The following CRB1 variants were observed in gnomAD, a reference collection of about 807,000 sequenced individuals.
CRB1 encodes protein crumbs homolog 1.
A neutral mutation model predicts 120.0 loss-of-function variants in CRB1; 83 were observed. The ratio of observed to expected loss-of-function variants is 0.69; its 90% CI spans 0.58 to 0.83. The LOEUF (loss-of-function observed/expected upper bound fraction) is 0.83, where lower values mean the gene tolerates loss of function less well. Among genes scored for constraint, CRB1 ranks in the 40% least tolerant of loss-of-function variants. CRB1 has a pLI of 0.00. For synonymous variants in CRB1, 625 were observed against 612.5 expected (o/e 1.02, Z -0.30); for missense variants, 1,699 against 1,687.6 (o/e 1.01, Z -0.12).
the CRB1 span, among the ~76,000 whole-genome samples, chr1:197,238,449 C>T: frequency 6.6e-6 from 1 of 151,976 alleles, no homozygotes; most frequent in African/African-American, 2.4e-5. Flanking sequence ...CTTTACATTT[C>T]TCTCACCTTA....
chr1:197,374,344 C>G (rs933926437), intron 5 of CRB1, among the ~76,000 whole-genome samples: 3 of 152,050 alleles, frequency 2.0e-5, no homozygotes, highest in Non-Finnish European at 2.9e-5. Flanking sequence ...AAGGCTTGGT[C>G]CTTTCTAAGG....
At chr1:197,231,135 A>G in the CRB1 span, among the ~76,000 whole-genome samples, 1 of 152,160 alleles carries the variant, frequency 6.6e-6, no homozygotes, top group African/African-American at 2.4e-5. Flanking sequence ...GAACAGAAGA[A>G]ATTATAGCTT....
chr1:197,407,713 C>G (rs562524506), intron 5 of CRB1, among the ~76,000 whole-genome samples: 1 of 152,128 alleles, frequency 6.6e-6, no homozygotes, highest in African/African-American at 2.4e-5. Context: ...TTAATCACAC[C>G]CACTCCCACT....
intron 5 of CRB1, among the ~76,000 whole-genome samples, chr1:197,398,193 T>C (rs1040227810): frequency 1.3e-5 from 2 of 152,204 alleles, no homozygotes; most frequent in Non-Finnish European, 2.9e-5. Context: ...ATATTTTCCC[T>C]TTCTCTTCCA....
chr1:197,311,697 TAGTGTGTGTGTG>T (rs1312064541), intron 1 of CRB1, among the ~76,000 whole-genome samples: 1 of 96,484 alleles, frequency 1.0e-5, no homozygotes, highest in Non-Finnish European at 2.1e-5. Context: ...CTCATATAGT[TAGTGTGTGTGTG>T]TGTGTGTGTG....
intron 6 of CRB1, among the ~76,000 whole-genome samples, chr1:197,425,981 A>G (rs751720756): frequency 6.6e-6 from 1 of 151,620 alleles, no homozygotes; most frequent in African/African-American, 2.4e-5. Context: ...TTATCAGAAC[A>G]TCCTGCCTGA....
chr1:197,381,448 G>A (rs1661951941), intron 5 of CRB1, among the ~76,000 whole-genome samples: 1 of 152,124 alleles, frequency 6.6e-6, no homozygotes, highest in Admixed American at 6.5e-5. Flanking sequence ...CACAGAATTG[G>A]TAATTATTTT....
chr1:197,411,562 C>G (rs1432275852), intron 5 of CRB1, among the ~76,000 whole-genome samples: 1 of 152,084 alleles, frequency 6.6e-6, no homozygotes, highest in Non-Finnish European at 1.5e-5. Context: ...ACATGAGATC[C>G]CTGGCTTGCC....
At chr1:197,390,187 G>C (rs1662426728) in intron 5 of CRB1, among the ~76,000 whole-genome samples, 1 of 148,224 alleles carries the variant, frequency 6.7e-6, no homozygotes, top group Non-Finnish European at 1.5e-5. Flanking sequence ...GTGTGGGGGG[G>C]AGGGGGTGGG....
In CRB1 at chr1:197,442,196, TG is replaced by T; in HGVS notation, c.3910del (p.Asp1304IlefsTer37). The T allele has an allele frequency of 6.2e-7, 1 of 1,614,166 alleles. No homozygotes were observed. Among genetic ancestry groups the T allele is most frequent in the South Asian group, 1.1e-5 (1 of 91,084 alleles). ...CEKDIDECASDPCVNGGLCQD... is the reference protein window; with the variant it reads ...CEKDIDECASXPCVNGGLCQD... Reference sequence around the variant, plus strand: ...AAAAGGACATTGATGAGTGTGCCTCTGATCCGTGTGTCAATGGAGGTCTGTG... The same window carrying T: ...AAAAGGACATTGATGAGTGTGCCTCTATCCGTGTGTCAATGGAGGTCTGTG... On this transcript the variant is annotated frameshift_variant, in exon 11 of 12. Transcript: ENST00000367400. LOFTEE classifies it high-confidence loss of function.
At chr1:197,453,574 AGG>A (rs1491359717) in intron 11 of CRB1, among the ~76,000 whole-genome samples, 24 of 110,580 alleles carry the variant, frequency 2.2e-4, no homozygotes, top group Middle Eastern at 5.2e-3. Flanking sequence ...AGAGAGGGAG[AGG>A]GAGAGAGAGA....
chr1:197,341,153 G>C (rs532424265), intron 2 of CRB1, among the ~76,000 whole-genome samples: 1 of 152,266 alleles, frequency 6.6e-6, no homozygotes, highest in Non-Finnish European at 1.5e-5. Context: ...GATGGGATTT[G>C]GATGGGGACA....
the CRB1 span, among the ~76,000 whole-genome samples, chr1:197,251,785 CA>C: frequency 6.6e-6 from 1 of 151,818 alleles, no homozygotes; most frequent in Non-Finnish European, 1.5e-5. Context: ...CATGCATGTG[CA>C]TGTGGAGGGT....
chr1:197,202,246 G>A, the CRB1 span, among the ~76,000 whole-genome samples: 88 of 152,232 alleles, frequency 5.8e-4, no homozygotes, highest in Middle Eastern at 6.8e-3. Flanking sequence ...CAAACAGGAG[G>A]AGGCTATGAA....
intron 1 of CRB1, among the ~76,000 whole-genome samples, chr1:197,278,209 A>G (rs922168300): frequency 2.0e-5 from 3 of 151,992 alleles, no homozygotes; most frequent in South Asian, 4.1e-4. Context: ...GGCCTCACAC[A>G]TGGGATTAGT....
At chr1:197,307,191 T>C (rs771212545) in intron 1 of CRB1, among the ~76,000 whole-genome samples, 3 of 152,314 alleles carry the variant, frequency 2.0e-5, no homozygotes, top group African/African-American at 7.2e-5. Flanking sequence ...ATAGAACTGA[T>C]AGTAAAACTT....
At chr1:197,399,214 A>T (rs1369745313) in intron 5 of CRB1, among the ~76,000 whole-genome samples, 1 of 152,090 alleles carries the variant, frequency 6.6e-6, no homozygotes, top group Non-Finnish European at 1.5e-5. Flanking sequence ...GGACATTTTA[A>T]TGTCACATTT....
At chr1:197,306,509 T>C (rs1371000367) in intron 1 of CRB1, among the ~76,000 whole-genome samples, 3 of 152,096 alleles carry the variant, frequency 2.0e-5, no homozygotes, top group Non-Finnish European at 4.4e-5. Flanking sequence ...AGTACTACGC[T>C]GAGATGGAAT....
chr1:197,295,849 T>A (rs1270781492), intron 1 of CRB1, among the ~76,000 whole-genome samples: 1 of 152,010 alleles, frequency 6.6e-6, no homozygotes, highest in African/African-American at 2.4e-5. Context: ...TAATAAAGTA[T>A]TATGTCTTCA....
Sources: gnomAD v4.1 joint callset for allele counts (sites outside exome capture counted in the v4.1 genomes callset) on GRCh38, gnomAD v4.1.1 for gene constraint, MANE v1.5 for transcripts, NCBI Gene and HGNC (gene_info 2026-07-23, HGNC 2026-07-21) for gene names.